MEMO1: variants seen among roughly 807,000 people sequenced by gnomAD.
The protein encoded by MEMO1 is mediator of cell motility 1.
In MEMO1, 6 loss-of-function variants were observed where a neutral mutation model predicts 45.2. The ratio of observed to expected loss-of-function variants is 0.13; its 90% CI spans 0.07 to 0.26. The LOEUF (loss-of-function observed/expected upper bound fraction) is 0.26. MEMO1 is among the 10% of genes least tolerant of loss of function. MEMO1 has a pLI of 1.00. For missense variants in MEMO1, 184 were observed against 370.5 expected, an observed-to-expected ratio of 0.50 and a Z score of 4.13; for synonymous variants, 78 against 124.3, an observed-to-expected ratio of 0.63 and a Z score of 2.48.
chr2:31,975,088 C>T (rs1558546861), intron 2 of MEMO1, among the ~76,000 whole-genome samples: 1 of 151,820 alleles, frequency 6.6e-6, no homozygotes, highest in East Asian at 1.9e-4. Context: ...AGGAGAATCG[C>T]TTGAAACTGG....
intron 2 of MEMO1, among the ~76,000 whole-genome samples, chr2:31,965,427 T>C (rs972079343): frequency 1.3e-5 from 2 of 151,978 alleles, no homozygotes; most frequent in Admixed American, 6.6e-5. Flanking sequence ...AAGTCAGCCA[T>C]AGGATAATAA....
In MEMO1 at chr2:31,941,826, T is replaced by C. The variant is rs138108946; in HGVS notation, c.143+1476A>G. ...AATGAGATCAAGTTAGATATACAAATAAGGCATTTAACAAAATATTTGGTA... is the reference window on the plus strand; with the variant it reads ...AATGAGATCAAGTTAGATATACAAACAAGGCATTTAACAAAATATTTGGTA... On this transcript the variant is annotated intron_variant, in intron 3 of 9. Transcript: ENST00000404530. Among the ~76,000 whole-genome samples, 93 of 152,294 alleles carry C rather than the reference T, an allele frequency of 6.1e-4. No homozygotes were observed. The East Asian group carries it at 0.017, about 28-fold the overall frequency.
chr2:31,955,284 C>A (rs1045374751), intron 2 of MEMO1, among the ~76,000 whole-genome samples: 3 of 152,118 alleles, frequency 2.0e-5, no homozygotes, highest in South Asian at 4.1e-4. Flanking sequence ...GTGAATGCAG[C>A]TAACAGACTC....
chr2:31,975,136 C>A (rs779613367), intron 2 of MEMO1, among the ~76,000 whole-genome samples: 1 of 152,154 alleles, frequency 6.6e-6, no homozygotes, highest in Non-Finnish European at 1.5e-5. Context: ...CGTGCCACTG[C>A]ACTCCAGCCT....
chr2:31,982,585 T>C (rs1475881496), intron 2 of MEMO1, among the ~76,000 whole-genome samples: 10 of 122,984 alleles, frequency 8.1e-5, no homozygotes, highest in African/African-American at 3.3e-4. Context: ...CAAGACTCCG[T>C]CTCAAAAAAA....
intron 2 of MEMO1, among the ~76,000 whole-genome samples, chr2:31,955,380 A>G (rs1302935774): frequency 1.3e-5 from 2 of 152,128 alleles, no homozygotes; most frequent in South Asian, 2.1e-4. Flanking sequence ...CATTAATTTT[A>G]CCTCCAAGCT....
intron 4 of MEMO1, among the ~76,000 whole-genome samples, chr2:31,922,113 C>T (rs1424413415): frequency 2.6e-5 from 4 of 152,014 alleles, no homozygotes; most frequent in Non-Finnish European, 5.9e-5. Context: ...ATATGATATG[C>T]TATGTAGCTA....
chr2:31,939,937 C>A (rs1172677219), intron 3 of MEMO1, among the ~76,000 whole-genome samples: 1 of 152,152 alleles, frequency 6.6e-6, no homozygotes, highest in African/African-American at 2.4e-5. Context: ...TCCACCACCC[C>A]ACAGAAACTT....
intron 7 of MEMO1, among the ~76,000 whole-genome samples, chr2:31,891,734 G>C (rs896844970): frequency 6.6e-5 from 10 of 152,094 alleles, no homozygotes; most frequent in African/African-American, 2.2e-4. Context: ...CACTAAATAA[G>C]TGTCTAAACA....
intron 6 of MEMO1, among the ~76,000 whole-genome samples, chr2:31,903,013 T>C (rs1023770711): frequency 6.6e-6 from 1 of 152,144 alleles, no homozygotes; most frequent in African/African-American, 2.4e-5. Context: ...GTTTATTAAT[T>C]TGTGGTATAT....
At chr2:31,904,728 G>C (rs1009337086) in intron 6 of MEMO1, among the ~76,000 whole-genome samples, 3 of 152,202 alleles carry the variant, frequency 2.0e-5, no homozygotes, top group African/African-American at 4.8e-5. Flanking sequence ...CTGCTCTAGA[G>C]AATCGCCAAA....
intron 3 of MEMO1, among the ~76,000 whole-genome samples, chr2:31,942,804 G>A (rs1236242302): frequency 6.6e-6 from 1 of 152,054 alleles, no homozygotes; most frequent in Non-Finnish European, 1.5e-5. Context: ...TTACAGGTGT[G>A]AGCCACCACA....
At chr2:32,007,893 T>A (rs1008558791) in intron 2 of MEMO1, among the ~76,000 whole-genome samples, 15 of 152,220 alleles carry the variant, frequency 9.9e-5, no homozygotes, top group Non-Finnish European at 8.8e-5. Flanking sequence ...ACAATTGAAT[T>A]GCTTTAAATC....
At chr2:31,965,349 C>G (rs1431818579) in intron 2 of MEMO1, among the ~76,000 whole-genome samples, 2 of 121,514 alleles carry the variant, frequency 1.6e-5, no homozygotes, top group Non-Finnish European at 3.6e-5. Flanking sequence ...ATGGTGAGTT[C>G]TGTGTCAAAG....
At chr2:31,997,930 G>A (rs978575695) in intron 2 of MEMO1, among the ~76,000 whole-genome samples, 1 of 152,242 alleles carries the variant, frequency 6.6e-6, no homozygotes, top group African/African-American at 2.4e-5. Flanking sequence ...GACGAGAATG[G>A]CTTAGACCAG....
chr2:31,927,106 C>G (rs566180540), intron 4 of MEMO1, among the ~76,000 whole-genome samples: 17 of 151,946 alleles, frequency 1.1e-4, no homozygotes, highest in African/African-American at 3.6e-4. Context: ...CGAGGCAGGT[C>G]GATCACAAGG....
chr2:31,946,986 G>C (rs1449544830), intron 2 of MEMO1, among the ~76,000 whole-genome samples: 1 of 152,094 alleles, frequency 6.6e-6, no homozygotes, highest in East Asian at 1.9e-4. Context: ...GGAACAACAG[G>C]CTATACCATC....
In MEMO1 at chr2:31,883,423, C is replaced by A; in HGVS notation, c.620G>T (p.Gly207Val). The change falls in exon 8 of 10, where the codon GGG becomes GTG. Residue 207 changes from glycine (G) to valine (V), a missense_variant. Transcript: ENST00000404530. ...FRYSYYDESQ[G>V]EIYRSIEHLD... ...ATGTTCAATGGATCTATAAATCTCC[C>A]CCTGGGATTCATCATAGTAACTGTA... The A allele has an allele frequency of 6.3e-7, 1 of 1,589,500 alleles. No individual in the cohort carries two copies. The highest frequency in any genetic ancestry group is 8.5e-7 in the Non-Finnish European group (1 of 1,170,016).
intron 2 of MEMO1, among the ~76,000 whole-genome samples, chr2:31,965,234 G>A (rs1291612833): frequency 2.7e-5 from 4 of 149,072 alleles, no homozygotes; most frequent in African/African-American, 9.8e-5. Flanking sequence ...GAAAGGAAAG[G>A]AAGGGAAGAA....
Sources: gnomAD v4.1 joint callset for allele counts (sites outside exome capture counted in the v4.1 genomes callset) on GRCh38, gnomAD v4.1.1 for gene constraint, MANE v1.5 for transcripts, NCBI Gene and HGNC (gene_info 2026-07-23, HGNC 2026-07-21) for gene names.